TRMT1L: variants seen among roughly 807,000 people sequenced by gnomAD.
TRMT1L encodes the protein tRNA methyltransferase 1L, also known as tRNA (guanine(27)-N(2))-dimethyltransferase.
Under a neutral mutation model 81.6 loss-of-function variants are expected in TRMT1L, and 28 were observed. The observed-to-expected ratio is 0.34, with a 90% confidence interval of 0.25 to 0.47. TRMT1L has a LOEUF of 0.47. Ranked by LOEUF, TRMT1L falls within the 20% of genes least tolerant of loss-of-function variation. The pLI, the probability that TRMT1L is intolerant of heterozygous loss-of-function variation, is 1.00. For synonymous variants in TRMT1L, 301 were observed against 303.2 expected, an observed-to-expected ratio of 0.99 and a Z score of 0.07; for missense variants, 739 against 877.1, an observed-to-expected ratio of 0.84 and a Z score of 1.99.
intron 10 of TRMT1L, among the ~76,000 whole-genome samples, chr1:185,133,480 C>T (rs991051221): frequency 1.3e-5 from 2 of 151,938 alleles, no homozygotes; most frequent in African/African-American, 4.8e-5. Context: ...GTTCTAGAGA[C>T]AAATTTCTAA....
At position 185,118,635 on chromosome 1, in the gene TRMT1L, A is replaced by T. The variant is rs1652420358; in HGVS notation, c.*1384T>A. ...TTTTTTAATGGTCATTATAGAAACT[A>T]GCTTGCACTTCACCTATTTCTTGAT... On this transcript the variant is annotated 3_prime_UTR_variant, in exon 15 of 15. Transcript: ENST00000367506. 1 of 152,160 alleles carries T rather than the reference A, an allele frequency of 6.6e-6. No individual in the cohort carries two copies. The highest frequency in any genetic ancestry group is 1.5e-5 in the Non-Finnish European group (1 of 68,012). The allele number at this position is 152,160 out of a possible 1,614,324, so 9.4% of individuals were successfully genotyped here.
At chr1:185,149,216 C>A (rs1653269206) in intron 3 of TRMT1L, among the ~76,000 whole-genome samples, 1 of 151,794 alleles carries the variant, frequency 6.6e-6, no homozygotes. Context: ...TCAATCATCT[C>A]TTTTAATTCC....
At position 185,137,696 on chromosome 1, in the gene TRMT1L, C is replaced by T. The variant is rs1218342053; in HGVS notation, c.1423G>A (p.Ala475Thr). Residue 475 changes from alanine to threonine, a missense_variant, in exon 10 of 15, where the codon GCA (alanine) becomes ACA (threonine). By Grantham distance (58) the Ala-to-Thr change is moderately conservative. This residue lies in a region of TRMT1L where 331 missense variants were observed against 462.2 expected (regional missense o/e 0.72). Transcript: ENST00000367506. ...VVRVLRGPTS[A>T]DETAKKIQYL... ...TGAATCTTCTTGGCTGTTTCATCTG[C>T]TGAAGTAGGTCCCCTCAAAACTCTC... is the stretch of plus-strand genomic sequence containing the variant. 6.2e-7 allele frequency: 1 copy of T among 1,614,152 alleles called. No individual in the cohort carries two copies. Among genetic ancestry groups the T allele is most frequent in the East Asian group, 2.2e-5 (1 of 44,864 alleles).
intron 13 of TRMT1L, among the ~76,000 whole-genome samples, chr1:185,122,523 C>T (rs527567970): frequency 2.6e-5 from 4 of 152,170 alleles, no homozygotes; most frequent in Non-Finnish European, 5.9e-5. Flanking sequence ...GCTGAGATTA[C>T]AGGTGTGTGC....
At chr1:185,145,656 G>A in intron 4 of TRMT1L, 88 bp from the exon 5 acceptor site, 2 of 1,278,920 alleles carry the variant, frequency 1.6e-6, no homozygotes, top group Non-Finnish European at 1.1e-6. Context: ...TTAGTGTCTT[G>A]GATTTAATGG....
At chr1:185,148,639 A>C (rs191112487) in intron 3 of TRMT1L, among the ~76,000 whole-genome samples, 1 of 152,226 alleles carries the variant, frequency 6.6e-6, no homozygotes, top group African/African-American at 2.4e-5. Context: ...AAGAAAAGAG[A>C]ATAACTTGGA....
chr1:185,122,544 T>G (rs1652524530), intron 13 of TRMT1L, among the ~76,000 whole-genome samples: 1 of 152,216 alleles, frequency 6.6e-6, no homozygotes, highest in Non-Finnish European at 1.5e-5. Context: ...TACTGTGCTC[T>G]TGGCTTTTGA....
chr1:185,137,037 A>AT (rs1338553603), intron 10 of TRMT1L, among the ~76,000 whole-genome samples: 1 of 152,194 alleles, frequency 6.6e-6, no homozygotes, highest in African/African-American at 2.4e-5. Flanking sequence ...GCAACTTAAC[A>AT]TAGTAAGTGC....
At position 185,135,722 on chromosome 1, in the gene TRMT1L, A is replaced by T. The variant is rs1287987661; in HGVS notation, c.1513+1884T>A. 2.0e-5 allele frequency among the ~76,000 whole-genome samples: 3 copies of T among 152,078 alleles called. No individual in the cohort carries two copies. In the East Asian group the frequency reaches 5.8e-4, roughly 29 times the overall value. On this transcript the variant is annotated intron_variant, in intron 10 of 14. Coordinates refer to ENST00000367506, the MANE Select transcript of TRMT1L (RefSeq NM_030934.5). ...CAGTTTTTCAATTCCTAAGAATTGAAAAAAGGGAACCATTCCAAATTATTT... is the reference window on the plus strand; with the variant it reads ...CAGTTTTTCAATTCCTAAGAATTGATAAAAGGGAACCATTCCAAATTATTT...
intron 10 of TRMT1L, among the ~76,000 whole-genome samples, chr1:185,132,647 C>T (rs993385004): frequency 6.6e-6 from 1 of 151,646 alleles, no homozygotes; most frequent in Non-Finnish European, 1.5e-5. Flanking sequence ...TTTTAGAATA[C>T]TGGGTTTAGA....
chr1:185,131,405 A>C (rs1652767174), intron 10 of TRMT1L, among the ~76,000 whole-genome samples: 1 of 152,164 alleles, frequency 6.6e-6, no homozygotes, highest in African/African-American at 2.4e-5. Flanking sequence ...AAACAGAAAA[A>C]GTTAAAAAAC....
chr1:185,140,592 G>C (rs1206297107), intron 7 of TRMT1L, among the ~76,000 whole-genome samples: 1 of 151,844 alleles, frequency 6.6e-6, no homozygotes, highest in Non-Finnish European at 1.5e-5. Flanking sequence ...AATACCTCCT[G>C]CTGAAGTTTA....
intron 10 of TRMT1L, among the ~76,000 whole-genome samples, chr1:185,137,165 T>C (rs181554553): frequency 3.8e-4 from 58 of 152,356 alleles, no homozygotes; most frequent in Non-Finnish European, 7.2e-4. Context: ...CTACAGCTTT[T>C]TCCTTGTTTC....
chr1:185,153,226 A>C (rs920014947), intron 1 of TRMT1L, among the ~76,000 whole-genome samples: 7 of 152,208 alleles, frequency 4.6e-5, no homozygotes, highest in African/African-American at 1.7e-4. Context: ...GAAATACATG[A>C]ATAAGTCTAA....
At position 185,118,270 on chromosome 1, in the gene TRMT1L, A is replaced by C. The variant is rs1652411103; in HGVS notation, c.*1749T>G. 2.0e-5 allele frequency: 3 copies of C among 152,198 alleles called. No homozygotes were observed. The highest frequency in any genetic ancestry group is 2.0e-4 in the Admixed American group (3 of 15,286). 9.4% of individuals were successfully genotyped at this position (152,198 alleles called of 1,614,324 possible). On this transcript the variant is annotated 3_prime_UTR_variant, in exon 15 of 15. Transcript: ENST00000367506. ...TTTGGTTGATGTAGTACCTGATCAG[A>C]GTTCTAAACTACCGCCTACCAAATT...
intron 13 of TRMT1L, among the ~76,000 whole-genome samples, chr1:185,122,233 G>A (rs1011888662): frequency 1.3e-5 from 2 of 152,132 alleles, no homozygotes; most frequent in African/African-American, 4.8e-5. Context: ...GAATAGCACT[G>A]CAATGAACAT....
chr1:185,148,215 C>G (rs987819373), intron 3 of TRMT1L, among the ~76,000 whole-genome samples: 1 of 152,166 alleles, frequency 6.6e-6, no homozygotes, highest in Non-Finnish European at 1.5e-5. Context: ...TTTAGCCCCA[C>G]ATTCTTCCTG....
At position 185,119,999 on chromosome 1, in the gene TRMT1L, G is replaced by A; in HGVS notation, c.*20C>T. On this transcript the variant is annotated 3_prime_UTR_variant, in exon 15 of 15. Coordinates refer to ENST00000367506, the MANE Select transcript of TRMT1L (RefSeq NM_030934.5). Reference sequence around the variant, plus strand: ...TTAGGCCATCTATACAGACACCTGAGAACCAATTCTTCTCTACGTTTACCA... The same window carrying A: ...TTAGGCCATCTATACAGACACCTGAAAACCAATTCTTCTCTACGTTTACCA... 1 of 1,611,430 alleles carries A rather than the reference G, an allele frequency of 6.2e-7. No homozygotes were observed.
chr1:185,152,568 A>G (rs1383808337), intron 1 of TRMT1L, among the ~76,000 whole-genome samples: 1 of 152,222 alleles, frequency 6.6e-6, no homozygotes, highest in Non-Finnish European at 1.5e-5. Context: ...AGTGAATTAT[A>G]CGATCTGAAT....
Sources: allele counts gnomAD v4.1 joint callset (sites outside exome capture counted in the v4.1 genomes callset), GRCh38; gene constraint gnomAD v4.1.1; regional missense constraint gnomAD v4.1.1; transcripts MANE v1.5; gene names NCBI Gene and HGNC (gene_info 2026-07-23, HGNC 2026-07-21).